Variants in PTPRG observed in about 807,000 individuals in gnomAD.
The protein encoded by PTPRG is protein tyrosine phosphatase receptor type G.
Under a neutral mutation model 165.3 loss-of-function variants are expected in PTPRG, and 102 were observed. The ratio of observed to expected loss-of-function variants is 0.62; its 90% CI spans 0.53 to 0.73. The LOEUF is 0.73. PTPRG is among the 30% of genes least tolerant of loss of function. The probability of loss-of-function intolerance (pLI) is 0.00; values close to 1 mark genes in which losing one functional copy is unlikely to be tolerated. For missense variants in PTPRG, 1,866 were observed against 1,861.4 expected (o/e 1.00, Z -0.05); for synonymous variants, 675 against 669.5 (o/e 1.01, Z -0.13).
chr3:62,140,919 A>G (rs1231044737), intron 6 of PTPRG, among the ~76,000 whole-genome samples: 3 of 151,580 alleles, frequency 2.0e-5, no homozygotes, highest in Non-Finnish European at 4.4e-5. Flanking sequence ...ACCTGAGGAA[A>G]TTTTCTTGGG....
intron 5 of PTPRG, among the ~76,000 whole-genome samples, chr3:62,087,767 T>C (rs1475222876): frequency 6.6e-6 from 1 of 152,198 alleles, no homozygotes; most frequent in African/African-American, 2.4e-5. Flanking sequence ...TATATATTAT[T>C]GGTCCCAGTT....
At chr3:62,026,879 T>TAAAAAAA (rs200417191) in intron 4 of PTPRG, among the ~76,000 whole-genome samples, 7 of 94,720 alleles carry the variant, frequency 7.4e-5, no homozygotes, top group East Asian at 3.0e-4. Context: ...GAGTGAGAAT[T>TAAAAAAA]AAAAAAAAAA....
In PTPRG at chr3:61,765,248, T is replaced by C. The variant is rs564348722; in HGVS notation, c.190+16266T>C. ...AATGGAAAGCTTGGCAAGTTGACCA[T>C]TTCAGAAATCTGTGCATGAAATCAT... On this transcript the variant is annotated intron_variant, in intron 2 of 29. Transcript: ENST00000474889. Among the ~76,000 whole-genome samples, 17 of 152,310 alleles carry C rather than the reference T, an allele frequency of 1.1e-4. 2 individuals are homozygous for C. The South Asian group carries it at 3.3e-3, about 30-fold the overall frequency.
chr3:62,201,173 T>C (rs995732405), intron 10 of PTPRG, among the ~76,000 whole-genome samples: 2 of 152,198 alleles, frequency 1.3e-5, no homozygotes, highest in African/African-American at 4.8e-5. Flanking sequence ...TTCATTCAAC[T>C]ATACACCTAT....
chr3:61,627,364 A>G (rs376715939), intron 1 of PTPRG, among the ~76,000 whole-genome samples: 9 of 152,294 alleles, frequency 5.9e-5, no homozygotes, highest in African/African-American at 2.2e-4. Flanking sequence ...GTTGAGGGTA[A>G]GGGAATGGTT....
intron 4 of PTPRG, among the ~76,000 whole-genome samples, chr3:62,061,748 C>T (rs1482313943): frequency 6.6e-6 from 1 of 151,102 alleles, no homozygotes; most frequent in Non-Finnish European, 1.5e-5. Flanking sequence ...CCTGCCTCAG[C>T]CTCCTGGGTA....
intron 4 of PTPRG, among the ~76,000 whole-genome samples, chr3:62,035,185 G>A (rs1271258856): frequency 6.6e-6 from 1 of 152,170 alleles, no homozygotes; most frequent in African/African-American, 2.4e-5. Flanking sequence ...TGAATTTGGA[G>A]ACCATTTTCT....
rs762610486 is a variant in PTPRG, at chr3:61,592,206, A to T, written c.85+29834A>T. Among the ~76,000 whole-genome samples the T allele has an allele frequency of 9.8e-4, 149 of 152,134 alleles. 2 individuals are homozygous for T. The Middle Eastern group carries it at 0.017, about 17-fold the overall frequency. The stretch of plus-strand genomic sequence containing the variant: ...GGTCTCGAACTCCCAACCTCAGGTG[A>T]TCCGCCTGCCTCAGCCTCCCAAAGT... On this transcript the variant is annotated intron_variant, in intron 1 of 29. Coordinates refer to ENST00000474889, the MANE Select transcript of PTPRG (RefSeq NM_002841.4).
intron 7 of PTPRG, 62 bp downstream of exon 7, chr3:62,157,286 C>T: frequency 6.5e-7 from 1 of 1,539,286 alleles, no homozygotes; most frequent in Admixed American, 1.7e-5. Context: ...CTTAACGATC[C>T]AGCATGGCTA....
chr3:62,144,996 A>T (rs1296961518), intron 6 of PTPRG, among the ~76,000 whole-genome samples: 1 of 151,872 alleles, frequency 6.6e-6, no homozygotes, highest in Non-Finnish European at 1.5e-5. Context: ...TTTCAGTGGG[A>T]TGTGAAGAGC....
intron 2 of PTPRG, among the ~76,000 whole-genome samples, chr3:61,821,622 G>C (rs2035961209): frequency 6.6e-6 from 1 of 152,108 alleles, no homozygotes; most frequent in African/African-American, 2.4e-5. Context: ...AATAAAGGAA[G>C]GCTAGGATGA....
intron 6 of PTPRG, among the ~76,000 whole-genome samples, chr3:62,136,265 T>C (rs56306837): frequency 1.4e-3 from 210 of 152,250 alleles, no homozygotes; most frequent in Non-Finnish European, 2.4e-3. Context: ...ATATGCTTGG[T>C]AGAGATGTAC....
intron 1 of PTPRG, among the ~76,000 whole-genome samples, chr3:61,564,724 G>C (rs993433448): frequency 3.9e-5 from 6 of 152,186 alleles, no homozygotes; most frequent in Non-Finnish European, 2.9e-5. Flanking sequence ...ACCTCAGGGG[G>C]CGCCCCCGAG....
chr3:61,681,753 C>T (rs1703448519), intron 1 of PTPRG, among the ~76,000 whole-genome samples: 1 of 152,080 alleles, frequency 6.6e-6, no homozygotes, highest in Non-Finnish European at 1.5e-5. Flanking sequence ...TTTTCTTGCT[C>T]TGGATTTAAC....
chr3:62,019,215 A>G (rs1308506346), intron 4 of PTPRG, among the ~76,000 whole-genome samples: 2 of 152,164 alleles, frequency 1.3e-5, no homozygotes, highest in Non-Finnish European at 2.9e-5. Context: ...GATATTCCCC[A>G]TACTTCTATC....
intron 4 of PTPRG, among the ~76,000 whole-genome samples, chr3:62,024,089 T>C (rs1456059445): frequency 6.6e-6 from 1 of 152,186 alleles, no homozygotes; most frequent in East Asian, 1.9e-4. Flanking sequence ...TAGTTTTCTT[T>C]TTTAAATTTT....
chr3:61,748,568 A>G (rs547344853), intron 1 of PTPRG, among the ~76,000 whole-genome samples: 1 of 152,252 alleles, frequency 6.6e-6, no homozygotes, highest in East Asian at 1.9e-4. Flanking sequence ...GGGCCCCATT[A>G]TTGGGATCAC....
chr3:61,744,684 A>G (rs2033128677), intron 1 of PTPRG, among the ~76,000 whole-genome samples: 1 of 152,216 alleles, frequency 6.6e-6, no homozygotes, highest in South Asian at 2.1e-4. Context: ...ACTGACAGAG[A>G]TGGAACAAAA....
intron 2 of PTPRG, among the ~76,000 whole-genome samples, chr3:61,884,673 A>G (rs998354881): frequency 6.6e-6 from 1 of 152,208 alleles, no homozygotes; most frequent in Admixed American, 6.5e-5. Context: ...AAGAATGTCC[A>G]CATAATTGGA....
Sources: gnomAD v4.1 joint callset for allele counts (sites outside exome capture counted in the v4.1 genomes callset) on GRCh38, gnomAD v4.1.1 for gene constraint, MANE v1.5 for transcripts, NCBI Gene and HGNC (gene_info 2026-07-23, HGNC 2026-07-21) for gene names.